ARHGEF4: variants seen among roughly 807,000 people sequenced by gnomAD.
ARHGEF4 encodes the protein Rho guanine nucleotide exchange factor 4.
In ARHGEF4, 119 loss-of-function variants were observed where a neutral mutation model predicts 162.0. The observed-to-expected ratio is 0.73, with a 90% CI of 0.63 to 0.86. ARHGEF4 has a LOEUF of 0.86. Among genes scored for constraint, ARHGEF4 ranks in the 40% least tolerant of loss-of-function variants. ARHGEF4 has a pLI of 0.00. For synonymous variants in ARHGEF4, 1,014 were observed against 979.9 expected, an observed-to-expected ratio of 1.03 and a Z score of -0.65; for missense variants, 2,488 against 2,456.0, an observed-to-expected ratio of 1.01 and a Z score of -0.28.
intron 4 of ARHGEF4, among the ~76,000 whole-genome samples, chr2:130,974,258 T>C (rs1685550150): frequency 6.7e-6 from 1 of 148,442 alleles, no homozygotes; most frequent in African/African-American, 2.5e-5. Flanking sequence ...GGCAACAGAG[T>C]GAGATCTTGT....
intron 4 of ARHGEF4, among the ~76,000 whole-genome samples, chr2:131,012,444 G>A (rs1157630256): frequency 2.0e-5 from 3 of 152,186 alleles, no homozygotes; most frequent in African/African-American, 7.2e-5. Flanking sequence ...ACGCAAGCCT[G>A]GCTGTGTCAG....
intron 4 of ARHGEF4, among the ~76,000 whole-genome samples, chr2:130,959,151 A>T (rs933284969): frequency 6.6e-6 from 1 of 152,068 alleles, no homozygotes; most frequent in African/African-American, 2.4e-5. Context: ...CATGTTGGCC[A>T]GGCTGGTCTC....
intron 4 of ARHGEF4, among the ~76,000 whole-genome samples, chr2:131,014,165 G>A (rs532941336): frequency 6.6e-6 from 1 of 152,142 alleles, no homozygotes; most frequent in East Asian, 1.9e-4. Context: ...TACTCCAAAA[G>A]TCTGTGATCT....
chr2:130,956,797 A>G (rs1684306700), intron 4 of ARHGEF4, among the ~76,000 whole-genome samples: 1 of 124,788 alleles, frequency 8.0e-6, no homozygotes, highest in Non-Finnish European at 1.6e-5. Flanking sequence ...GAAGGGGAAC[A>G]TCACACTCAG....
chr2:130,923,550 A>G (rs912425294), intron 2 of ARHGEF4, among the ~76,000 whole-genome samples: 4 of 152,222 alleles, frequency 2.6e-5, no homozygotes, highest in African/African-American at 9.6e-5. Context: ...TGGGCGGGCA[A>G]TGTTCTAGAT....
At chr2:130,912,100 G>A (rs886854206) in intron 1 of ARHGEF4, among the ~76,000 whole-genome samples, 4 of 152,232 alleles carry the variant, frequency 2.6e-5, no homozygotes, top group East Asian at 1.9e-4. Context: ...CACCCTGCCC[G>A]GCCTTAGCAG....
intron 1 of ARHGEF4, among the ~76,000 whole-genome samples, chr2:130,906,545 T>C (rs1680820963): frequency 6.6e-6 from 1 of 152,234 alleles, no homozygotes; most frequent in Non-Finnish European, 1.5e-5. Context: ...TAACTTCTTT[T>C]TCTGATGGTA....
At chr2:130,995,822 T>C (rs115229456) in intron 4 of ARHGEF4, among the ~76,000 whole-genome samples, 1 of 151,966 alleles carries the variant, frequency 6.6e-6, no homozygotes, top group South Asian at 2.1e-4. Context: ...CTGTCACCCC[T>C]TGGGGCACTC....
intron 4 of ARHGEF4, among the ~76,000 whole-genome samples, chr2:130,983,122 G>A (rs1686240269): frequency 6.6e-6 from 1 of 152,122 alleles, no homozygotes. Context: ...TACACAAAAA[G>A]TTTACCTAAA....
At chr2:131,039,787 A>C in intron 6 of ARHGEF4, 1 of 1,398,402 alleles carries the variant, frequency 7.2e-7, no homozygotes, top group East Asian at 2.8e-5. Context: ...AAGGAGGCCA[A>C]ATCGGTATTC....
intron 4 of ARHGEF4, among the ~76,000 whole-genome samples, chr2:130,985,464 A>G (rs1686417167): frequency 6.6e-6 from 1 of 152,144 alleles, no homozygotes; most frequent in Non-Finnish European, 1.5e-5. Flanking sequence ...CTCAGTCTCA[A>G]ATCCATCTCC....
chr2:130,944,621 A>G (rs139351828), intron 3 of ARHGEF4, among the ~76,000 whole-genome samples: 1 of 152,002 alleles, frequency 6.6e-6, no homozygotes, highest in African/African-American at 2.4e-5. Flanking sequence ...TTTATTTTTT[A>G]TCTATTTATC....
At position 131,046,196 on chromosome 2, in the gene ARHGEF4, C is replaced by A; in HGVS notation, c.*7C>A. The A allele has an allele frequency of 6.2e-7, 1 of 1,605,962 alleles. No individual in the cohort carries two copies. The highest frequency in any genetic ancestry group is 8.5e-7 in the Non-Finnish European group (1 of 1,174,962). The stretch of plus-strand genomic sequence containing the variant: ...GGCACCCTTCCGCAAGTGAACTGGT[C>A]CCTGCCTGACAGCACCTGCTGGGCC... On this transcript the variant is annotated 3_prime_UTR_variant, in exon 14 of 14. Transcript: ENST00000409359.
At chr2:130,931,394 A>T in intron 3 of ARHGEF4, 137 bp downstream of exon 3, 1 of 954,096 alleles carries the variant, frequency 1.0e-6, no homozygotes, top group South Asian at 1.8e-5. Flanking sequence ...GGATTACAGC[A>T]TGCTGCCTGG....
chr2:131,041,207 T>C (rs1453734805), intron 8 of ARHGEF4, 23 bp from the exon 9 acceptor site: 1 of 1,603,094 alleles, frequency 6.2e-7, no homozygotes, highest in South Asian at 1.1e-5. Context: ...AGAGCTCTGC[T>C]AACCTCCAGC....
At chr2:130,883,235 A>AGAG (rs1258506733) in intron 1 of ARHGEF4, among the ~76,000 whole-genome samples, 1 of 152,086 alleles carries the variant, frequency 6.6e-6, no homozygotes, top group Admixed American at 6.5e-5. Context: ...ACCAGACTTA[A>AGAG]GAGGGTGGCC....
At chr2:130,927,882 A>G (rs1455359246) in intron 2 of ARHGEF4, among the ~76,000 whole-genome samples, 1 of 152,180 alleles carries the variant, frequency 6.6e-6, no homozygotes, top group African/African-American at 2.4e-5. Flanking sequence ...TGTCTATGCC[A>G]TCTTGTCCAG....
intron 4 of ARHGEF4, among the ~76,000 whole-genome samples, chr2:131,026,816 G>C (rs1371497646): frequency 6.6e-6 from 1 of 152,174 alleles, no homozygotes; most frequent in Admixed American, 6.5e-5. Flanking sequence ...TATTTGGTGT[G>C]CCTAGGACCC....
chr2:131,006,189 C>T (rs1688101593), intron 4 of ARHGEF4, among the ~76,000 whole-genome samples: 1 of 152,156 alleles, frequency 6.6e-6, no homozygotes, highest in Non-Finnish European at 1.5e-5. Context: ...ACTACATCTG[C>T]CTGTAATCTG....
Sources: gnomAD v4.1 joint callset for allele counts (sites outside exome capture counted in the v4.1 genomes callset) on GRCh38, gnomAD v4.1.1 for gene constraint, MANE v1.5 for transcripts, NCBI Gene and HGNC (gene_info 2026-07-23, HGNC 2026-07-21) for gene names.